The following ARHGEF40 variants were observed in gnomAD, a reference collection of about 807,000 sequenced individuals.
ARHGEF40 encodes the protein Rho guanine nucleotide exchange factor 40.
In ARHGEF40, 98 loss-of-function variants were observed where a neutral mutation model predicts 165.9. That is an observed-to-expected ratio of 0.59 (90% CI 0.50 to 0.70). The LOEUF (loss-of-function observed/expected upper bound fraction) is 0.70, where lower values mean the gene tolerates loss of function less well. Ranked by LOEUF, ARHGEF40 falls within the 30% of genes least tolerant of loss-of-function variation. ARHGEF40 has a pLI of 0.00. For missense variants in ARHGEF40, 1,815 were observed against 1,968.0 expected, an observed-to-expected ratio of 0.92 and a Z score of 1.47; for synonymous variants, 792 against 814.3, an observed-to-expected ratio of 0.97 and a Z score of 0.47.
At position 21,072,679 on chromosome 14, in the gene ARHGEF40, A is replaced by G. The variant is rs930950858; in HGVS notation, c.4-366A>G. On this transcript the variant is annotated intron_variant, in intron 1 of 23. Coordinates refer to ENST00000298694, the MANE Select transcript of ARHGEF40 (RefSeq NM_018071.5). The surrounding 1 kb of genome is among the most constrained non-coding windows in gnomAD (Gnocchi z 4.1). The stretch of plus-strand genomic sequence containing the variant: ...CCCTCATCCCCTCGAGTTCTCAGCC[A>G]TAAGCTCAGTCCCCTGATAGCCCAG... Among the ~76,000 whole-genome samples the G allele has an allele frequency of 8.5e-5, 13 of 152,168 alleles. No homozygotes were observed. The highest frequency in any genetic ancestry group is 2.4e-4 in the African/African-American group (10 of 41,442).
Position 21,070,410 on chromosome 14 carries a change from C to G in ARHGEF40, c.3+11C>G, listed in dbSNP as rs1188916713. ...CGGCGCCGAGCCATGGTGAGTCCAGCGTCGCAGCCCCCTGGGTCCCCTCGG... is the reference window on the plus strand; with the variant it reads ...CGGCGCCGAGCCATGGTGAGTCCAGGGTCGCAGCCCCCTGGGTCCCCTCGG... On this transcript the variant is annotated intron_variant, in intron 1 of 23. Transcript: ENST00000298694. This position sits in a 1 kb window ranked among gnomAD's most constrained non-coding sequence, Gnocchi z 4.7. 1 of 1,416,926 alleles carries G rather than the reference C, an allele frequency of 7.1e-7. No homozygotes were observed. The highest frequency in any genetic ancestry group is 3.3e-5 in the Admixed American group (1 of 30,460). The allele number at this position is 1,416,926 out of a possible 1,614,324, so 87.8% of individuals were successfully genotyped here.
In ARHGEF40 at chr14:21,072,975, C is replaced by T; in HGVS notation, c.4-70C>T. On this transcript the variant is annotated intron_variant, in intron 1 of 23. Transcript: ENST00000298694. This position sits in a 1 kb window ranked among gnomAD's most constrained non-coding sequence, Gnocchi z 4.1. ...TTTGGAGAACACAGCCAACCCCAGA[C>T]CAGTGCAGCTCCCAAGGAGCCATGA... 6.7e-7 allele frequency: 1 copy of T among 1,496,910 alleles called. No homozygotes were observed. Among genetic ancestry groups the T allele is most frequent in the Non-Finnish European group, 9.2e-7 (1 of 1,091,164 alleles). 92.7% of individuals were successfully genotyped at this position (1,496,910 alleles called of 1,614,324 possible). A position where few individuals can be genotyped will look rare whatever the true frequency, so the allele number is the denominator to read the frequency against.
intron 6 of ARHGEF40, 41 bp from the exon 7 acceptor site, chr14:21,076,521 CA>C: frequency 6.2e-7 from 1 of 1,613,620 alleles, no homozygotes; most frequent in Non-Finnish European, 8.5e-7. Context: ...CAGTCCAGGA[CA>C]CCCGATTGCC....
rs371942296 is a variant in ARHGEF40, at chr14:21,074,708, A to G, written c.978A>G (p.Pro326=). 245 of 1,595,914 alleles carry G rather than the reference A, an allele frequency of 1.5e-4. No individual in the cohort carries two copies. The highest frequency in any genetic ancestry group is 2.0e-4 in the Non-Finnish European group (239 of 1,172,356). Residue 326 remains proline, a synonymous_variant, in exon 3 of 24, where the codon CCA becomes CCG. Coordinates refer to ENST00000298694, the MANE Select transcript of ARHGEF40 (RefSeq NM_018071.5). This position sits in a 1 kb window ranked among gnomAD's most constrained non-coding sequence, Gnocchi z 4.8. ...CTCCCCCAGGAGCTGAGGCTGTCCC[A>G]GAGGCAGCAGTCTTGGAGGTGTCTG... ...PESPPGAEAV[P]EAAVLEVSEP... is the part of the protein sequence containing the mutation.
In ARHGEF40 at chr14:21,074,425, A is replaced by G. The variant is rs752058684; in HGVS notation, c.695A>G (p.Asn232Ser). 7 of 1,609,522 alleles carry G rather than the reference A, an allele frequency of 4.3e-6. No homozygotes were observed. The highest frequency in any genetic ancestry group is 2.2e-5 in the East Asian group (1 of 44,758). ...ACCCGGAGTCCTGGGGATGGGCACAATGCCCCTGTGGAAGGACCTGAGGGC... is the reference window on the plus strand; with the variant it reads ...ACCCGGAGTCCTGGGGATGGGCACAGTGCCCCTGTGGAAGGACCTGAGGGC... ...LGTRSPGDGH[N>S]APVEGPEGEY... The change falls in exon 3 of 24, where the codon AAT (asparagine) becomes AGT (serine). Residue 232 changes from asparagine to serine, a missense_variant. By Grantham distance (46) the Asn-to-Ser change is conservative. Transcript: ENST00000298694. This position sits in a 1 kb window ranked among gnomAD's most constrained non-coding sequence, Gnocchi z 4.8.
chr14:21,076,701 C>A, intron 7 of ARHGEF40, 58 bp downstream of exon 7: 1 of 1,607,792 alleles, frequency 6.2e-7, no homozygotes, highest in East Asian at 2.2e-5. Context: ...GGAGAAGAGG[C>A]TGGCTGGAGC....
chr14:21,075,365 C>T lies in ARHGEF40; in HGVS notation c.1484C>T (p.Thr495Ile). Reference sequence around the variant, plus strand: ...GGCCCAGAAGGCCCCCTGTCTGACACTCCAACACCTCCGCTGGAGACTGTG... The same window carrying T: ...GGCCCAGAAGGCCCCCTGTCTGACATTCCAACACCTCCGCTGGAGACTGTG... ...HTGPEGPLSD[T>I]PTPPLETVQE... The change falls in exon 4 of 24, where the codon ACT (threonine) becomes ATT (isoleucine). Residue 495 changes from threonine to isoleucine, a missense_variant. Physicochemically the swap from Thr to Ile is moderately conservative, Grantham distance 89. Transcript: ENST00000298694. This position sits in a 1 kb window ranked among gnomAD's most constrained non-coding sequence, Gnocchi z 4.5. The T allele has an allele frequency of 8.1e-6, 13 of 1,614,172 alleles. No homozygotes were observed. Among genetic ancestry groups the T allele is most frequent in the Non-Finnish European group, 1.1e-5 (13 of 1,180,046 alleles).
At chr14:21,076,149 T>C (rs1887399927) in intron 5 of ARHGEF40, among the ~76,000 whole-genome samples, 1 of 152,228 alleles carries the variant, frequency 6.6e-6, no homozygotes, top group Admixed American at 6.5e-5. Flanking sequence ...CTAGTAGCCA[T>C]ATGAATATAG....
At chr14:21,063,211 G>GGTGTGTATGTGTGT in the ARHGEF40 span, among the ~76,000 whole-genome samples, 1 of 151,392 alleles carries the variant, frequency 6.6e-6, no homozygotes. Context: ...GCCTAAAAGT[G>GGTGTGTATGTGTGT]GTGTGTATGT....
In ARHGEF40 at chr14:21,080,737, G is replaced by A. The variant is rs1471409336; in HGVS notation, c.2451G>A (p.Leu817=). ...FAMPGDTLSA[L]QETELRFRAF... The stretch of plus-strand genomic sequence containing the variant: ...TGCCTGGGGACACCTTGTCTGCCCT[G>A]CAGGAGACAGAGCTGCGATTCCGTG... The change falls in exon 12 of 24, where the codon CTG becomes CTA. Residue 817 remains leucine, a synonymous_variant. Transcript: ENST00000298694. The A allele has an allele frequency of 1.2e-6, 2 of 1,611,704 alleles. No individual in the cohort carries two copies. The highest frequency in any genetic ancestry group is 8.5e-7 in the Non-Finnish European group (1 of 1,178,750).
chr14:21,065,199 A>C, the ARHGEF40 span, among the ~76,000 whole-genome samples: 10 of 152,016 alleles, frequency 6.6e-5, no homozygotes, highest in East Asian at 3.9e-4. Context: ...ACAACAACAA[A>C]AAAATTCTGT....
intron 21 of ARHGEF40, 167 bp from the exon 22 acceptor site, chr14:21,087,801 G>A (rs1388162424): frequency 8.8e-6 from 8 of 906,624 alleles, no homozygotes; most frequent in Non-Finnish European, 1.7e-6. Flanking sequence ...TGATGCTGCT[G>A]ACAATTTCCT....
intron 8 of ARHGEF40, 40 bp downstream of exon 8, chr14:21,076,930 G>A (rs371666213): frequency 2.3e-5 from 35 of 1,535,658 alleles, no homozygotes; most frequent in Non-Finnish European, 3.0e-5. Context: ...TGGGAGCCAG[G>A]AATAACCCAG....
Position 21,072,947 on chromosome 14 carries a change from G to T in ARHGEF40, c.4-98G>T. On this transcript the variant is annotated intron_variant, in intron 1 of 23. Transcript: ENST00000298694. This position sits in a 1 kb window ranked among gnomAD's most constrained non-coding sequence, Gnocchi z 4.1. ...CTTTTTGCCCACATTGTACAATCGG[G>T]GCTTTGGAGAACACAGCCAACCCCA... 8.0e-7 allele frequency: 1 copy of T among 1,242,672 alleles called. No individual in the cohort carries two copies. The allele number at this position is 1,242,672 out of a possible 1,614,324, so 77.0% of individuals were successfully genotyped here. A position where few individuals can be genotyped will look rare whatever the true frequency, so the allele number is the denominator to read the frequency against.
Position 21,073,007 on chromosome 14 carries a change from G to T in ARHGEF40, c.4-38G>T. 1.3e-6 allele frequency: 2 copies of T among 1,589,778 alleles called. No individual in the cohort carries two copies. The highest frequency in any genetic ancestry group is 2.2e-5 in the South Asian group (2 of 89,874). On this transcript the variant is annotated intron_variant, in intron 1 of 23. Transcript: ENST00000298694. The surrounding 1 kb of genome is among the most constrained non-coding windows in gnomAD (Gnocchi z 4.6). ...AGCTCCCAAGGAGCCATGATTGGGT[G>T]ATCTCTAGGGATCTGTAGCCTGGTC...
chr14:21,066,870 A>C (rs1382185592), upstream of ARHGEF40, among the ~76,000 whole-genome samples: 2 of 152,234 alleles, frequency 1.3e-5, no homozygotes, highest in Non-Finnish European at 2.9e-5. Flanking sequence ...AATAGAACTG[A>C]TATATATTTA....
At chr14:21,069,753 G>A (rs1886528014), upstream of ARHGEF40, among the ~76,000 whole-genome samples, 1 of 152,132 alleles carries the variant, frequency 6.6e-6, no homozygotes, top group South Asian at 2.1e-4. Flanking sequence ...TGATTTCCCG[G>A]CCCTCCGCTC....
At chr14:21,061,476 G>A in the ARHGEF40 span, among the ~76,000 whole-genome samples, 1 of 152,154 alleles carries the variant, frequency 6.6e-6, no homozygotes, top group Non-Finnish European at 1.5e-5. Context: ...CCCACTCTGA[G>A]GGTAATGACA....
In ARHGEF40 at chr14:21,081,770, C is replaced by T. The variant is rs201584278; in HGVS notation, c.2902C>T (p.Arg968Trp). The change falls in exon 14 of 24, where the codon CGG (arginine) becomes TGG (tryptophan). Residue 968 changes from arginine to tryptophan, a missense_variant. Arg to Trp is a moderately radical substitution (Grantham distance 101). Transcript: ENST00000298694. ...EEASPRGYRRRRADGASSGGA... is the reference protein window; with the variant it reads ...EEASPRGYRRWRADGASSGGA... ...GGCGAGCCCACGGGGCTACCGACGA[C>T]GGCGGGCAGACGGTGCCAGCAGTGG... The T allele has an allele frequency of 3.1e-4, 492 of 1,589,806 alleles. No homozygotes were observed. The highest frequency in any genetic ancestry group is 4.4e-4 in the African/African-American group (33 of 74,534).
Sources: allele counts gnomAD v4.1 joint callset (sites outside exome capture counted in the v4.1 genomes callset), GRCh38; gene constraint gnomAD v4.1.1; non-coding constraint Gnocchi (gnomAD v3.1); transcripts MANE v1.5; gene names NCBI Gene and HGNC (gene_info 2026-07-23, HGNC 2026-07-21).